Variants in DLG2 observed in about 807,000 individuals in gnomAD.
The protein encoded by DLG2 is discs large MAGUK scaffold protein 2.
In DLG2, 45 loss-of-function variants were observed where a neutral mutation model predicts 132.5. That is an observed-to-expected ratio of 0.34 (90% confidence interval 0.27 to 0.44). DLG2 has a LOEUF of 0.44. Among genes scored for constraint, DLG2 ranks in the 20% least tolerant of loss-of-function variants. The probability of loss-of-function intolerance (pLI) is 1.00; values close to 1 mark genes in which losing one functional copy is unlikely to be tolerated. For missense variants in DLG2, 1,045 were observed against 1,196.9 expected (o/e 0.87, Z 1.87); for synonymous variants, 424 against 419.6 (o/e 1.01, Z -0.13).
At chr11:85,291,768 A>G (rs531732712) in intron 3 of DLG2, among the ~76,000 whole-genome samples, 5 of 152,040 alleles carry the variant, frequency 3.3e-5, no homozygotes, top group African/African-American at 1.2e-4. Context: ...TATCTTTAGT[A>G]GAGATAGGGT....
chr11:84,040,493 C>T (rs1332396815), intron 11 of DLG2, among the ~76,000 whole-genome samples: 1 of 151,732 alleles, frequency 6.6e-6, no homozygotes, highest in Non-Finnish European at 1.5e-5. Flanking sequence ...TTCCCCATTG[C>T]CTGTTTTTCT....
At chr11:83,921,162 A>G (rs2077812040) in intron 15 of DLG2, among the ~76,000 whole-genome samples, 1 of 152,100 alleles carries the variant, frequency 6.6e-6, no homozygotes, top group Non-Finnish European at 1.5e-5. Flanking sequence ...TTAATGAGTT[A>G]ATTTGTATAA....
intron 19 of DLG2, among the ~76,000 whole-genome samples, chr11:83,603,805 C>T (rs1031209700): frequency 2.0e-5 from 3 of 152,110 alleles, no homozygotes; most frequent in Admixed American, 6.5e-5. Flanking sequence ...AAAGTCCTTA[C>T]CCATTTTCTA....
chr11:84,846,649 C>G (rs1053732967), intron 6 of DLG2, among the ~76,000 whole-genome samples: 2 of 152,144 alleles, frequency 1.3e-5, no homozygotes, highest in African/African-American at 2.4e-5. Context: ...TGCCCCCAAT[C>G]AATCCTGTTG....
At chr11:83,509,718 AT>A (rs1477091091) in intron 21 of DLG2, among the ~76,000 whole-genome samples, 1 of 152,036 alleles carries the variant, frequency 6.6e-6, no homozygotes, top group Non-Finnish European at 1.5e-5. Context: ...GGTTGAATAG[AT>A]TTATTTGGAA....
chr11:84,544,696 C>T (rs577146791), intron 6 of DLG2, among the ~76,000 whole-genome samples: 30 of 152,196 alleles, frequency 2.0e-4, no homozygotes, highest in African/African-American at 6.7e-4. Flanking sequence ...CCAGGAATTA[C>T]AATATATATC....
chr11:85,323,661 C>T (rs184047759), intron 3 of DLG2, among the ~76,000 whole-genome samples: 13 of 152,344 alleles, frequency 8.5e-5, no homozygotes, highest in Admixed American at 7.2e-4. Context: ...CTCCTCCCTA[C>T]TACCTTTCTC....
At chr11:84,932,158 A>G (rs2048168642) in intron 6 of DLG2, among the ~76,000 whole-genome samples, 1 of 152,132 alleles carries the variant, frequency 6.6e-6, no homozygotes, top group Middle Eastern at 3.2e-3. Context: ...TTTTGTTGCA[A>G]TTGCTTTTGG....
At chr11:84,945,622 C>T (rs1256721919) in intron 6 of DLG2, among the ~76,000 whole-genome samples, 1 of 152,186 alleles carries the variant, frequency 6.6e-6, no homozygotes, top group Non-Finnish European at 1.5e-5. Context: ...AGAAATCCAG[C>T]TAGGCTTATG....
chr11:84,673,630 A>C (rs1367353619), intron 6 of DLG2, among the ~76,000 whole-genome samples: 1 of 151,440 alleles, frequency 6.6e-6, no homozygotes, highest in African/African-American at 2.4e-5. Context: ...AAAATAAATA[A>C]ATAAATAAAT....
intron 4 of DLG2, among the ~76,000 whole-genome samples, chr11:85,176,725 C>G (rs1291160031): frequency 2.6e-5 from 4 of 151,914 alleles, no homozygotes; most frequent in Non-Finnish European, 5.9e-5. Flanking sequence ...TGACGAAGGT[C>G]TAATATCTAG....
intron 4 of DLG2, among the ~76,000 whole-genome samples, chr11:85,206,094 A>C (rs933758602): frequency 1.3e-5 from 2 of 151,996 alleles, no homozygotes; most frequent in Admixed American, 6.6e-5. Context: ...ATGAGTTCTC[A>C]TGAGATCTGG....
intron 4 of DLG2, among the ~76,000 whole-genome samples, chr11:85,227,693 C>A (rs925602751): frequency 2.0e-5 from 3 of 152,060 alleles, no homozygotes; most frequent in African/African-American, 7.2e-5. Flanking sequence ...CTGTTCAAAA[C>A]CCCCTCCAAT....
At chr11:85,353,023 A>G (rs1187121494) in intron 3 of DLG2, among the ~76,000 whole-genome samples, 1 of 152,230 alleles carries the variant, frequency 6.6e-6, no homozygotes, top group African/African-American at 2.4e-5. Context: ...TGCACAGCAA[A>G]AGAAGCTACC....
At chr11:83,685,358 T>C (rs144958819) in intron 18 of DLG2, among the ~76,000 whole-genome samples, 2 of 152,306 alleles carry the variant, frequency 1.3e-5, no homozygotes, top group Non-Finnish European at 2.9e-5. Flanking sequence ...ACAATTGTTC[T>C]TATCAAGGTA....
intron 3 of DLG2, among the ~76,000 whole-genome samples, chr11:85,434,073 C>T (rs1348336606): frequency 4.6e-5 from 7 of 151,990 alleles, no homozygotes; most frequent in Admixed American, 4.6e-4. Flanking sequence ...CTGAATGACT[C>T]CTGGGTAAAT....
intron 6 of DLG2, among the ~76,000 whole-genome samples, chr11:84,878,555 G>A (rs951816317): frequency 2.6e-5 from 4 of 152,040 alleles, no homozygotes; most frequent in African/African-American, 4.8e-5. Context: ...GGGTCCTGTC[G>A]GTGGGTGGGT....
At chr11:84,089,270 A>G (rs1000680237) in intron 10 of DLG2, among the ~76,000 whole-genome samples, 3 of 152,050 alleles carry the variant, frequency 2.0e-5, no homozygotes, top group Non-Finnish European at 4.4e-5. Flanking sequence ...GGTGCTTCTC[A>G]TTTGCACAGA....
chr11:85,249,189 A>G (rs1277002197), intron 4 of DLG2, among the ~76,000 whole-genome samples: 1 of 151,884 alleles, frequency 6.6e-6, no homozygotes, highest in African/African-American at 2.4e-5. Context: ...CTCATTTGGG[A>G]TCATGTGTAA....
Sources: gnomAD v4.1 joint callset for allele counts (sites outside exome capture counted in the v4.1 genomes callset) on GRCh38, gnomAD v4.1.1 for gene constraint, MANE v1.5 for transcripts, NCBI Gene and HGNC (gene_info 2026-07-23, HGNC 2026-07-21) for gene names.